Variants in ALPK1 observed in about 807,000 individuals in gnomAD.
ALPK1 encodes the protein alpha-protein kinase 1.
In ALPK1, 110 loss-of-function variants were observed where a neutral mutation model predicts 120.6. That is an observed-to-expected ratio of 0.91 (90% CI 0.78 to 1.07). The LOEUF (loss-of-function observed/expected upper bound fraction) is 1.07. Among genes scored for constraint, ALPK1 ranks in the 50% least tolerant of loss-of-function variants. The pLI is 0.00. For synonymous variants in ALPK1, 582 were observed against 560.3 expected (o/e 1.04, Z -0.55); for missense variants, 1,498 against 1,483.9 (o/e 1.01, Z -0.16).
intron 4 of ALPK1, chr4:112,382,759 T>A: frequency 1.6e-6 from 1 of 633,548 alleles, no homozygotes; most frequent in Non-Finnish European, 2.7e-6. Context: ...CCAAATCCAG[T>A]AAAAGTGAAG....
intron 2 of ALPK1, chr4:112,356,001 G>C (rs1055329758): frequency 3.1e-6 from 2 of 649,436 alleles, no homozygotes; most frequent in Admixed American, 2.1e-5. Flanking sequence ...GAACAGCGTT[G>C]TGTCCCAGTG....
chr4:112,362,184 A>G (rs1336196635), intron 2 of ALPK1, among the ~76,000 whole-genome samples: 2 of 152,234 alleles, frequency 1.3e-5, no homozygotes, highest in Admixed American at 1.3e-4. Flanking sequence ...AAGGTTTTTT[A>G]TCACCCCCAA....
intron 2 of ALPK1, chr4:112,358,987 T>A (rs2148715580): frequency 1.3e-6 from 1 of 767,358 alleles, no homozygotes; most frequent in East Asian, 2.5e-5. Flanking sequence ...TTTGAGGAGG[T>A]CTGTATACAG....
Position 112,431,789 on chromosome 4 carries a change from G to A in ALPK1, c.2242G>A (p.Val748Ile). ...VQKEEAFEII[V>I]EFPETNCDVK... ...AAAAGAAGAAGCCTTTGAAATAATT[G>A]TTGAGTTTCCAGAAACCAACTGCGA... Residue 748 changes from valine (V) to isoleucine (I), a missense_variant, in exon 11 of 16, where the codon GTT becomes ATT. Physicochemically the swap from Val to Ile is conservative, Grantham distance 29 (BLOSUM62 3). Transcript: ENST00000650871. 1 of 1,614,172 alleles carries A rather than the reference G, an allele frequency of 6.2e-7. No individual in the cohort carries two copies. The highest frequency in any genetic ancestry group is 8.5e-7 in the Non-Finnish European group (1 of 1,180,028).
intron 11 of ALPK1, among the ~76,000 whole-genome samples, chr4:112,434,289 T>C (rs1734698894): frequency 6.6e-6 from 1 of 152,194 alleles, no homozygotes; most frequent in Admixed American, 6.5e-5. Flanking sequence ...ACCTTCCATT[T>C]CCATCCGGCT....
chr4:112,378,018 A>G, intron 3 of ALPK1, 120 bp downstream of exon 3: 1 of 1,169,270 alleles, frequency 8.6e-7, no homozygotes, highest in Non-Finnish European at 1.1e-6. Flanking sequence ...GACCACCGAG[A>G]GATGAGTGGA....
chr4:112,319,262 GGAA>G (rs1728764775), intron 2 of ALPK1, among the ~76,000 whole-genome samples: 1 of 152,170 alleles, frequency 6.6e-6, no homozygotes, highest in African/African-American at 2.4e-5. Context: ...CTGAGAGTAA[GGAA>G]GAATACAAGA....
chr4:112,367,472 C>G (rs544444624), intron 2 of ALPK1, among the ~76,000 whole-genome samples: 51 of 151,964 alleles, frequency 3.4e-4, no homozygotes, highest in African/African-American at 1.2e-3. Flanking sequence ...AAAAATAATA[C>G]AAATTAAAAA....
At chr4:112,338,553 G>A (rs140422242) in intron 2 of ALPK1, among the ~76,000 whole-genome samples, 1 of 152,124 alleles carries the variant, frequency 6.6e-6, no homozygotes, top group African/African-American at 2.4e-5. Context: ...AAGAGGAAAA[G>A]CCTACAGAAA....
intron 5 of ALPK1, among the ~76,000 whole-genome samples, chr4:112,416,295 C>G (rs904963672): frequency 6.6e-6 from 1 of 152,176 alleles, no homozygotes; most frequent in Non-Finnish European, 1.5e-5. Flanking sequence ...ACATTTTCTA[C>G]AGCCAGTTTC....
chr4:112,418,264 A>T (rs1367343212), intron 5 of ALPK1, among the ~76,000 whole-genome samples: 1 of 152,152 alleles, frequency 6.6e-6, no homozygotes, highest in African/African-American at 2.4e-5. Flanking sequence ...CTGGAAACCC[A>T]CCTTCTGAAT....
intron 5 of ALPK1, among the ~76,000 whole-genome samples, chr4:112,412,968 G>A (rs1410591252): frequency 6.6e-6 from 1 of 152,228 alleles, no homozygotes; most frequent in Non-Finnish European, 1.5e-5. Flanking sequence ...GCTAGTGGAG[G>A]TTACCTTTTC....
At chr4:112,335,990 A>G (rs1283919744) in intron 2 of ALPK1, among the ~76,000 whole-genome samples, 1 of 149,364 alleles carries the variant, frequency 6.7e-6, no homozygotes, top group Non-Finnish European at 1.5e-5. Flanking sequence ...GAAAAAATAA[A>G]TGAACGTAAA....
intron 2 of ALPK1, among the ~76,000 whole-genome samples, chr4:112,322,171 T>C (rs1460883523): frequency 1.3e-5 from 2 of 152,234 alleles, no homozygotes; most frequent in Non-Finnish European, 2.9e-5. Flanking sequence ...TCAGATAATC[T>C]GATAATGTAC....
At chr4:112,418,610 C>T (rs1428364764) in intron 5 of ALPK1, among the ~76,000 whole-genome samples, 3 of 152,168 alleles carry the variant, frequency 2.0e-5, no homozygotes, top group Non-Finnish European at 4.4e-5. Context: ...CATGCAGCGT[C>T]CTTCCACACC....
chr4:112,317,148 T>C lies in ALPK1; in HGVS notation c.-101+1296T>C, dbSNP rs147888119. ...ATATACTCTGGATATTAACTCATTG[T>C]CAGATCCATGATTTGCAAATATTTT... On this transcript the variant is annotated intron_variant, in intron 2 of 15. Transcript: ENST00000650871. 1.9e-3 allele frequency among the ~76,000 whole-genome samples: 288 copies of C among 152,312 alleles called. 2 individuals carry two copies. The highest frequency in any genetic ancestry group is 3.3e-3 in the Non-Finnish European group (224 of 68,002).
At chr4:112,381,119 G>A (rs551925433) in intron 3 of ALPK1, among the ~76,000 whole-genome samples, 19 of 152,296 alleles carry the variant, frequency 1.2e-4, no homozygotes, top group African/African-American at 4.1e-4. Flanking sequence ...AGAAAAACGA[G>A]GCTTGACAAT....
chr4:112,320,335 G>T (rs1410398352), intron 2 of ALPK1, among the ~76,000 whole-genome samples: 1 of 152,066 alleles, frequency 6.6e-6, no homozygotes, highest in African/African-American at 2.4e-5. Flanking sequence ...TGTTTATGTG[G>T]TGTATCACAT....
intron 2 of ALPK1, among the ~76,000 whole-genome samples, chr4:112,372,559 T>C (rs1731465175): frequency 6.6e-6 from 1 of 152,038 alleles, no homozygotes. Flanking sequence ...TATATATCTT[T>C]ATGGTCATAC....
Sources: allele counts gnomAD v4.1 joint callset (sites outside exome capture counted in the v4.1 genomes callset), GRCh38; gene constraint gnomAD v4.1.1; transcripts MANE v1.5; gene names NCBI Gene and HGNC (gene_info 2026-07-23, HGNC 2026-07-21).